The following LINGO2 variants were observed in gnomAD, a reference collection of about 807,000 sequenced individuals.
LINGO2 encodes the protein leucine-rich repeat and immunoglobulin-like domain-containing nogo receptor-interacting protein 2.
LINGO2 carries 14 observed loss-of-function variants against 30.6 expected under a neutral mutation model. The observed-to-expected ratio is 0.46, with a 90% CI of 0.30 to 0.72. The LOEUF is 0.72. Among genes scored for constraint, LINGO2 ranks in the 30% least tolerant of loss-of-function variants. The pLI, the probability that LINGO2 is intolerant of heterozygous loss-of-function variation, is 0.07. For synonymous variants in LINGO2, 317 were observed against 288.5 expected (o/e 1.10, Z -1.00); for missense variants, 729 against 751.7 (o/e 0.97, Z 0.35).
chr9:28,035,230 C>T (rs115196337), intron 4 of LINGO2, among the ~76,000 whole-genome samples: 12 of 151,410 alleles, frequency 7.9e-5, no homozygotes. Context: ...AGTGTTCTTT[C>T]TGTTTAATGA....
intron 3 of LINGO2, among the ~76,000 whole-genome samples, chr9:28,325,016 T>C (rs1035932822): frequency 1.6e-4 from 25 of 152,000 alleles, no homozygotes; most frequent in African/African-American, 5.8e-4. Context: ...TCTTAACTTC[T>C]CTCTTCCACG....
chr9:28,692,787 A>G, the LINGO2 span, among the ~76,000 whole-genome samples: 1 of 152,158 alleles, frequency 6.6e-6, no homozygotes, highest in Non-Finnish European at 1.5e-5. Context: ...TTTCCATCTT[A>G]GTCACAAGTG....
chr9:28,467,182 C>T (rs908318658), intron 2 of LINGO2, among the ~76,000 whole-genome samples: 13 of 152,124 alleles, frequency 8.5e-5, no homozygotes, highest in Non-Finnish European at 1.6e-4. Context: ...CCCACCACCA[C>T]GCCTGGCTAA....
chr9:28,248,133 A>G (rs1822067880), intron 4 of LINGO2, among the ~76,000 whole-genome samples: 1 of 152,204 alleles, frequency 6.6e-6, no homozygotes, highest in Admixed American at 6.5e-5. Flanking sequence ...GGAAATCAGT[A>G]TATCAAAGGG....
At chr9:28,817,498 G>A in the LINGO2 span, among the ~76,000 whole-genome samples, 1 of 152,128 alleles carries the variant, frequency 6.6e-6, no homozygotes, top group South Asian at 2.1e-4. Context: ...CCTTCTGCTA[G>A]TACAGCTTTG....
the LINGO2 span, among the ~76,000 whole-genome samples, chr9:28,738,963 C>T: frequency 1.3e-5 from 2 of 151,934 alleles, no homozygotes; most frequent in African/African-American, 4.8e-5. Flanking sequence ...TACTTAAGGA[C>T]ACTATTTCTC....
intron 1 of LINGO2, among the ~76,000 whole-genome samples, chr9:28,567,620 A>G (rs1301901578): frequency 1.3e-5 from 2 of 152,078 alleles, no homozygotes; most frequent in Non-Finnish European, 2.9e-5. Flanking sequence ...ATAAAGATGT[A>G]AATAATAGAC....
rs1825107499 is a variant in LINGO2, at chr9:28,595,012, C to G, written c.-365+75188G>C. Reference sequence around the variant, plus strand: ...GTAATTCTATGAGTAAATTCACAGTCATTACCTGACAATCTGCTTAACTCC... The same window carrying G: ...GTAATTCTATGAGTAAATTCACAGTGATTACCTGACAATCTGCTTAACTCC... On this transcript the variant is annotated intron_variant, in intron 1 of 5. Transcript: ENST00000379992. Among the ~76,000 whole-genome samples the G allele has an allele frequency of 1.3e-5, 2 of 152,068 alleles. 1 individual carries two copies. Among genetic ancestry groups the G allele is most frequent in the African/African-American group, 4.8e-5 (2 of 41,446 alleles).
intron 4 of LINGO2, among the ~76,000 whole-genome samples, chr9:28,038,950 C>T (rs931409786): frequency 6.6e-6 from 1 of 152,304 alleles, no homozygotes; most frequent in South Asian, 2.1e-4. Context: ...TCCAAATAAA[C>T]CTTCTGAATT....
In LINGO2 at chr9:28,225,309, T is replaced by C. The variant is rs575851772; in HGVS notation, c.-87+69899A>G. ...ATTTTTAAAATTATAATTACAGTGA[T>C]TTATTATGTTCTTGGATGGTAAGTC... On this transcript the variant is annotated intron_variant, in intron 4 of 5. Transcript: ENST00000379992. 1.1e-3 allele frequency among the ~76,000 whole-genome samples: 169 copies of C among 152,300 alleles called. 1 individual carries two copies. The highest frequency in any genetic ancestry group is 2.0e-3 in the Non-Finnish European group (134 of 68,008).
At chr9:27,973,555 G>A (rs757985298) in intron 5 of LINGO2, among the ~76,000 whole-genome samples, 5 of 152,184 alleles carry the variant, frequency 3.3e-5, no homozygotes. Flanking sequence ...ATTTAAGGAA[G>A]GATATGTTTC....
At chr9:29,209,685 C>T in the LINGO2 span, among the ~76,000 whole-genome samples, 11 of 152,196 alleles carry the variant, frequency 7.2e-5, no homozygotes, top group East Asian at 5.8e-4. Flanking sequence ...TCAGGAAATA[C>T]GGTATTTTAT....
In LINGO2 at chr9:28,367,643, CTT is replaced by C. The variant is rs529792579; in HGVS notation, c.-246+5191_-246+5192del. Among the ~76,000 whole-genome samples, 536 of 151,912 alleles carry C rather than the reference CTT, an allele frequency of 3.5e-3. 1 individual carries two copies. Among genetic ancestry groups the C allele is most frequent in the Non-Finnish European group, 6.3e-3 (426 of 67,948 alleles). ...GGCTCTTACGCTTTTGTAGGTGACT[CTT>C]TTTTTCCCCTTTCTTCTCTCTCTGG... On this transcript the variant is annotated intron_variant, in intron 3 of 5. Transcript: ENST00000379992.
Position 28,409,459 on chromosome 9 carries a change from T to C in LINGO2, c.-278-36591A>G, listed in dbSNP as rs56696620. The stretch of plus-strand genomic sequence containing the variant: ...GGATAGTTATGTACATGAGTCACTT[T>C]TGTTGAATCTGATGTGGATTTTTGA... On this transcript the variant is annotated intron_variant, in intron 2 of 5. Transcript: ENST00000379992. Among the ~76,000 whole-genome samples, 247 of 152,260 alleles carry C rather than the reference T, an allele frequency of 1.6e-3. 2 individuals carry two copies. The highest frequency in any genetic ancestry group is 5.6e-3 in the African/African-American group (232 of 41,554).
At chr9:28,374,985 G>A (rs916196963) in intron 2 of LINGO2, among the ~76,000 whole-genome samples, 3 of 151,988 alleles carry the variant, frequency 2.0e-5, no homozygotes, top group Non-Finnish European at 4.4e-5. Flanking sequence ...CTCTTGTACA[G>A]CTTAAGAACT....
chr9:28,951,901 C>T, the LINGO2 span, among the ~76,000 whole-genome samples: 2 of 152,102 alleles, frequency 1.3e-5, no homozygotes, highest in African/African-American at 2.4e-5. Context: ...TGAATAGACA[C>T]TTCTCAAAAG....
the LINGO2 span, among the ~76,000 whole-genome samples, chr9:29,163,315 G>A: frequency 2.0e-5 from 3 of 152,006 alleles, no homozygotes; most frequent in African/African-American, 4.8e-5. Context: ...TAATTCTCCC[G>A]TTTACTCCAG....
chr9:28,013,063 T>G (rs531252691), intron 4 of LINGO2, among the ~76,000 whole-genome samples: 1 of 152,196 alleles, frequency 6.6e-6, no homozygotes, highest in Non-Finnish European at 1.5e-5. Context: ...TGAGAACGAA[T>G]GCTTTACACA....
the LINGO2 span, among the ~76,000 whole-genome samples, chr9:28,769,514 ATATATTTTTTTTTTTTTTTT>A: frequency 4.0e-3 from 8 of 2,014 alleles, no homozygotes; most frequent in South Asian, 0.028. Flanking sequence ...ATATATATAT[ATATATTTTTTTTTTTTTTTT>A]TTTTTTTTTT....
Sources: gnomAD v4.1 joint callset for allele counts (sites outside exome capture counted in the v4.1 genomes callset) on GRCh38, gnomAD v4.1.1 for gene constraint, MANE v1.5 for transcripts, NCBI Gene and HGNC (gene_info 2026-07-23, HGNC 2026-07-21) for gene names.